The following CATIP variants were observed in gnomAD, a reference collection of about 807,000 sequenced individuals.
CATIP encodes ciliogenesis associated TTC17 interacting protein, also known as ciliogenesis-associated TTC17-interacting protein.
A neutral mutation model predicts 42.5 loss-of-function variants in CATIP; 40 were observed. The ratio of observed to expected loss-of-function variants is 0.94; its 90% confidence interval spans 0.73 to 1.22. The LOEUF (loss-of-function observed/expected upper bound fraction) is 1.22. Among genes scored for constraint, CATIP ranks in the 50% most tolerant of loss-of-function variants. The pLI, the probability that CATIP is intolerant of heterozygous loss-of-function variation, is 0.00. For missense variants in CATIP, 489 were observed against 496.0 expected (o/e 0.99, Z 0.13); for synonymous variants, 222 against 200.2 (o/e 1.11, Z -0.92).
In CATIP at chr2:218,367,101, G is replaced by A. The variant is rs1695474380; in HGVS notation, c.832+1G>A. 6.2e-7 allele frequency: 1 copy of A among 1,611,212 alleles called. No homozygotes were observed. Among genetic ancestry groups the A allele is most frequent in the South Asian group, 1.1e-5 (1 of 90,992 alleles). ...AAGATGCCCATCTTGAGGGAAGAGG[G>A]TGAGTGAAGCCCAGGCCTTGTGCAG... On this transcript the variant is annotated splice_donor_variant, in intron 8 of 9. Transcript: ENST00000289388. LOFTEE classifies it high-confidence loss of function.
At chr2:218,356,970 T>C (rs1695034937) in intron 1 of CATIP, 61 bp downstream of exon 1, 1 of 1,604,664 alleles carries the variant, frequency 6.2e-7, no homozygotes. Context: ...CAATCCACCC[T>C]CGGGGTAGTC....
intron 6 of CATIP, among the ~76,000 whole-genome samples, chr2:218,364,008 AAC>A (rs1337651408): frequency 6.6e-6 from 1 of 152,160 alleles, no homozygotes; most frequent in Non-Finnish European, 1.5e-5. Context: ...CATGCCACTG[AAC>A]ACACAATTTC....
rs577172742 is a variant in CATIP at position 218,361,915 on chromosome 2, C to T, written c.463-820C>T. Reference sequence around the variant, plus strand: ...ATTAGGCTGGGCGCGGTGGCTCACGCCTGTAATCCCAGCTCTCAGAAGCAA... The same window carrying T: ...ATTAGGCTGGGCGCGGTGGCTCACGTCTGTAATCCCAGCTCTCAGAAGCAA... On this transcript the variant is annotated intron_variant, in intron 5 of 9. Transcript: ENST00000289388. Among the ~76,000 whole-genome samples the T allele has an allele frequency of 4.6e-5, 7 of 152,268 alleles. No homozygotes were observed. The South Asian group carries it at 1.4e-3, about 32-fold the overall frequency.
At chr2:218,360,761 G>A (rs772035374) in intron 5 of CATIP, 102 bp downstream of exon 5, 19 of 860,588 alleles carry the variant, frequency 2.2e-5, no homozygotes, top group Non-Finnish European at 3.5e-5. Context: ...CCAAGGTTAA[G>A]GACGCGCACA....
chr2:218,360,571 A>G lies in CATIP; in HGVS notation c.376-2A>G. 4 of 1,613,046 alleles carry G rather than the reference A, an allele frequency of 2.5e-6. No homozygotes were observed. Among genetic ancestry groups the G allele is most frequent in the South Asian group, 2.2e-5 (2 of 91,042 alleles). On this transcript the variant is annotated splice_acceptor_variant, in intron 4 of 9. Coordinates refer to ENST00000289388, the MANE Select transcript of CATIP (RefSeq NM_198559.2). LOFTEE classifies it high-confidence loss of function. Reference sequence around the variant, plus strand: ...TCCTCCCCCGCATGCTCTGGCCCTCAGTTCCTCATCCTCCCCATGGAACGG... The same window carrying G: ...TCCTCCCCCGCATGCTCTGGCCCTCGGTTCCTCATCCTCCCCATGGAACGG...
chr2:218,360,829 GT>G (rs779798449), intron 5 of CATIP, among the ~76,000 whole-genome samples, 170 bp downstream of exon 5: 12,335 of 137,282 alleles, frequency 0.09, 492 homozygotes, highest in Non-Finnish European at 0.11. Context: ...GGCACAGCTT[GT>G]TTTTTTTTTT....
At chr2:218,363,897 T>C (rs1173291364) in intron 6 of CATIP, among the ~76,000 whole-genome samples, 1 of 152,242 alleles carries the variant, frequency 6.6e-6, no homozygotes, top group Non-Finnish European at 1.5e-5. Flanking sequence ...TTATTATTTC[T>C]TAACCCCAAA....
chr2:218,367,880 G>A lies in CATIP; in HGVS notation c.1080G>A (p.Ser360=), dbSNP rs145356510. The change falls in exon 10 of 10, where the codon TCG becomes TCA. Residue 360 remains serine (S), a synonymous_variant. Transcript: ENST00000289388. ...FFGPFDPWRP[S]SPALGSSHRP... is the part of the protein sequence containing the mutation. ...GCCCCTTCGACCCGTGGCGTCCGTC[G>A]TCACCGGCCTTGGGCTCCTCCCACC... is the stretch of plus-strand genomic sequence containing the variant. 33 of 1,612,704 alleles carry A rather than the reference G, an allele frequency of 2.0e-5. No individual in the cohort carries two copies. The African/African-American group carries it at 4.1e-4, about 20-fold the overall frequency.
chr2:218,360,454 T>C, intron 4 of CATIP, 119 bp from the exon 5 acceptor site: 1 of 764,354 alleles, frequency 1.3e-6, no homozygotes, highest in Non-Finnish European at 2.2e-6. Context: ...CCGGCCCGGC[T>C]GCTTTTTTTT....
At chr2:218,357,845 A>G in intron 3 of CATIP, 111 bp downstream of exon 3, 1 of 1,246,074 alleles carries the variant, frequency 8.0e-7, no homozygotes, top group Non-Finnish European at 1.2e-6. Context: ...GCCTTGGACC[A>G]GGACAAGGCA....
In CATIP at chr2:218,362,856, G is replaced by T; in HGVS notation, c.584G>T (p.Arg195Leu). 6.2e-7 allele frequency: 1 copy of T among 1,613,922 alleles called. No individual in the cohort carries two copies. The highest frequency in any genetic ancestry group is 8.5e-7 in the Non-Finnish European group (1 of 1,179,976). The part of the protein sequence containing the change: ...AWRRMVPSNA[R>L]FLTLDTEGKL... ...CGGCGGATGGTGCCCAGCAATGCCC[G>T]CTTCCTGACCTTGGACACCGAGGGC... The change falls in exon 6 of 10, where the codon CGC becomes CTC. Residue 195 changes from arginine (R) to leucine (L), a missense_variant. Arg to Leu is a moderately radical substitution (Grantham distance 102). Transcript: ENST00000289388.
At position 218,356,863 on chromosome 2, in the gene CATIP, C is replaced by T. The variant is rs936339376; in HGVS notation, c.-22C>T. 6 of 1,614,054 alleles carry T rather than the reference C, an allele frequency of 3.7e-6. No individual in the cohort carries two copies. Among genetic ancestry groups the T allele is most frequent in the Admixed American group, 1.7e-5 (1 of 60,000 alleles). Reference sequence around the variant, plus strand: ...GCCATGGAGACAGCTGGACACAGACCGGGTAGAGGCAGGCCCACAGCATGT... The same window carrying T: ...GCCATGGAGACAGCTGGACACAGACTGGGTAGAGGCAGGCCCACAGCATGT... On this transcript the variant is annotated 5_prime_UTR_variant, in exon 1 of 10. Coordinates refer to ENST00000289388, the MANE Select transcript of CATIP (RefSeq NM_198559.2).
intron 8 of CATIP, 165 bp downstream of exon 8, chr2:218,367,265 G>C (rs1695481778): frequency 7.6e-6 from 6 of 785,266 alleles, no homozygotes; most frequent in South Asian, 1.7e-5. Context: ...CAAGCAATAA[G>C]AGGAGGATCT....
chr2:218,360,988 G>T (rs1187395437), intron 5 of CATIP, among the ~76,000 whole-genome samples: 4 of 151,746 alleles, frequency 2.6e-5, no homozygotes, highest in African/African-American at 7.3e-5. Context: ...GCACCACCAC[G>T]CCCGGCTAAT....
intron 4 of CATIP, among the ~76,000 whole-genome samples, chr2:218,359,526 C>T (rs1695161487): frequency 6.6e-6 from 1 of 151,960 alleles, no homozygotes; most frequent in East Asian, 1.9e-4. Flanking sequence ...AAACAGGCCC[C>T]CAGGGAAGGC....
chr2:218,357,259 G>GTCAGTCTCTCTC (rs1695052438), intron 2 of CATIP, 72 bp downstream of exon 2: 1 of 530,750 alleles, frequency 1.9e-6, no homozygotes, highest in African/African-American at 2.3e-5. Context: ...AGAAAGTCCA[G>GTCAGTCTCTCTC]TCTCTCTCTC....
intron 6 of CATIP, 64 bp downstream of exon 6, chr2:218,362,966 C>T: frequency 4.7e-6 from 7 of 1,492,870 alleles, no homozygotes; most frequent in Non-Finnish European, 6.4e-6. Context: ...GTGAAAAGCA[C>T]TGAGATGGGG....
At chr2:218,366,138 C>G (rs913754611) in intron 7 of CATIP, 1 of 150,948 alleles carries the variant, frequency 6.6e-6, no homozygotes. Flanking sequence ...GCCTCTTTCT[C>G]TTTTTGAGAC....
intron 3 of CATIP, 73 bp from the exon 4 acceptor site, chr2:218,357,964 C>T: frequency 7.0e-7 from 1 of 1,434,436 alleles, no homozygotes; most frequent in Non-Finnish European, 9.8e-7. Context: ...TCCAGCTGCG[C>T]CACCACCTTC....
Sources: allele counts gnomAD v4.1 joint callset (sites outside exome capture counted in the v4.1 genomes callset), GRCh38; gene constraint gnomAD v4.1.1; transcripts MANE v1.5; gene names NCBI Gene and HGNC (gene_info 2026-07-23, HGNC 2026-07-21).